The following ATXN2 variants were observed in gnomAD, a reference collection of about 807,000 sequenced individuals.
ATXN2 encodes the protein ataxin-2.
ATXN2 carries 37 observed loss-of-function variants against 138.6 expected under a neutral mutation model. That is an observed-to-expected ratio of 0.27 (90% CI 0.21 to 0.35). The LOEUF (loss-of-function observed/expected upper bound fraction) is 0.35. Ranked by LOEUF, ATXN2 falls within the 10% of genes least tolerant of loss-of-function variation. The probability of loss-of-function intolerance (pLI) is 1.00; values close to 1 mark genes in which losing one functional copy is unlikely to be tolerated. For missense variants in ATXN2, 1,216 were observed against 1,480.3 expected (o/e 0.82, Z 2.93); for synonymous variants, 549 against 543.7 (o/e 1.01, Z -0.13).
chr12:111,542,111 GACA>G (rs1244792710), intron 5 of ATXN2, among the ~76,000 whole-genome samples: 3 of 148,818 alleles, frequency 2.0e-5, no homozygotes, highest in Non-Finnish European at 4.5e-5. Context: ...GAGGAAAATT[GACA>G]ACGTTGTAGT....
chr12:111,453,674 C>T lies in ATXN2; in HGVS notation c.3439+3G>A, dbSNP rs1229278785. ...CGGCGGCCCCTGCACACACACGCCT[C>T]ACCTGAAGGGTGCGTCATATAGGGG... is the stretch of plus-strand genomic sequence containing the variant. On this transcript the variant is annotated splice_donor_region_variant and intron_variant, in intron 24 of 24. Coordinates refer to ENST00000673436, the MANE Select transcript of ATXN2 (RefSeq NM_001372574.1). This position sits in a 1 kb window ranked among gnomAD's most constrained non-coding sequence, Gnocchi z 5.4. The T allele has an allele frequency of 6.3e-7, 1 of 1,592,348 alleles. No individual in the cohort carries two copies. The highest frequency in any genetic ancestry group is 1.1e-5 in the South Asian group (1 of 88,148).
In ATXN2 at chr12:111,516,044, CAG is replaced by C. The variant is rs1592852826; in HGVS notation, c.1375+108_1375+109del. The stretch of plus-strand genomic sequence containing the variant: ...GTTTTAATAAACTAAAGTTAAAACA[CAG>C]AAATTATAGGTTATTAAATAATGAA... On this transcript the variant is annotated intron_variant, in intron 10 of 24. Transcript: ENST00000673436. The surrounding 1 kb of genome is among the most constrained non-coding windows in gnomAD (Gnocchi z 5.0). 6 of 1,050,700 alleles carry C rather than the reference CAG, an allele frequency of 5.7e-6. No homozygotes were observed. In the South Asian group the frequency reaches 7.2e-5, roughly 13 times the overall value. 65.1% of individuals were successfully genotyped at this position (1,050,700 alleles called of 1,614,324 possible).
At chr12:111,579,037 CAA>C (rs1024151742) in intron 1 of ATXN2, among the ~76,000 whole-genome samples, 1 of 150,548 alleles carries the variant, frequency 6.6e-6, no homozygotes, top group Non-Finnish European at 1.5e-5. Context: ...GACCCTGCCT[CAA>C]AAAAAAATTC....
At chr12:111,513,918 AAAAT>A (rs1879703469) in intron 10 of ATXN2, among the ~76,000 whole-genome samples, 1 of 152,166 alleles carries the variant, frequency 6.6e-6, no homozygotes, top group Non-Finnish European at 1.5e-5. Flanking sequence ...ACTACATGAT[AAAAT>A]ATTTTTAACT....
Position 111,453,716 on chromosome 12 carries a change from A to C in ATXN2, c.3400T>G (p.Ser1134Ala), listed in dbSNP as rs2135642976. ...AQSALQPIPV[S>A]TTAHFPYMTH... Reference sequence around the variant, plus strand: ...ATATAGGGGAAATGCGCTGTTGTCGAGACTGGAATGGGCTGTAGTGCACTT... The same window carrying C: ...ATATAGGGGAAATGCGCTGTTGTCGCGACTGGAATGGGCTGTAGTGCACTT... The change falls in exon 24 of 25, where the codon TCG becomes GCG. Residue 1134 changes from serine to alanine, a missense_variant. Ser to Ala is a moderately conservative substitution (Grantham distance 99). Transcript: ENST00000673436. The surrounding 1 kb of genome is among the most constrained non-coding windows in gnomAD (Gnocchi z 5.4). The C allele has an allele frequency of 1.2e-6, 2 of 1,613,238 alleles. No homozygotes were observed. The highest frequency in any genetic ancestry group is 4.5e-5 in the East Asian group (2 of 44,814).
intron 1 of ATXN2, among the ~76,000 whole-genome samples, chr12:111,573,179 A>T (rs1481612495): frequency 1.3e-5 from 2 of 151,700 alleles, no homozygotes; most frequent in Non-Finnish European, 2.9e-5. Flanking sequence ...CATTATTGTT[A>T]TTATTTTTAT....
chr12:111,572,374 C>G (rs978498391), intron 1 of ATXN2, among the ~76,000 whole-genome samples: 1 of 151,232 alleles, frequency 6.6e-6, no homozygotes, highest in Non-Finnish European at 1.5e-5. Context: ...GCACTCCAGC[C>G]TGGGTGACAA....
At chr12:111,572,053 C>T (rs1022808988) in intron 1 of ATXN2, among the ~76,000 whole-genome samples, 5 of 145,952 alleles carry the variant, frequency 3.4e-5, no homozygotes, top group African/African-American at 7.6e-5. Context: ...GTAAAGAAAA[C>T]GTGCAAACAT....
intron 1 of ATXN2, among the ~76,000 whole-genome samples, chr12:111,568,192 C>G (rs1218018233): frequency 6.6e-6 from 1 of 151,814 alleles, no homozygotes. Flanking sequence ...ACCCAGGAAG[C>G]AGAGGTTGCA....
chr12:111,546,164 A>T (rs1216167124), intron 5 of ATXN2, among the ~76,000 whole-genome samples: 1 of 152,204 alleles, frequency 6.6e-6, no homozygotes, highest in Non-Finnish European at 1.5e-5. Context: ...GAATCGCAGG[A>T]TATTATACAG....
chr12:111,507,447 G>T (rs1879217570), intron 14 of ATXN2, among the ~76,000 whole-genome samples: 1 of 152,154 alleles, frequency 6.6e-6, no homozygotes, highest in African/African-American at 2.4e-5. Context: ...CGTCTGGGAA[G>T]TGAGGAGCAT....
At chr12:111,573,537 T>A (rs1233717896) in intron 1 of ATXN2, among the ~76,000 whole-genome samples, 1 of 152,190 alleles carries the variant, frequency 6.6e-6, no homozygotes, top group Non-Finnish European at 1.5e-5. Context: ...ATCTCTATAT[T>A]AGAAGCAATG....
chr12:111,523,726 T>C (rs1880320870), intron 6 of ATXN2, among the ~76,000 whole-genome samples: 1 of 148,938 alleles, frequency 6.7e-6, no homozygotes, highest in South Asian at 2.1e-4. Context: ...ACTCCATCTC[T>C]CAAAACAACA....
Position 111,539,640 on chromosome 12 carries a change from G to A in ATXN2, c.571+12640C>T, listed in dbSNP as rs551047810. Among the ~76,000 whole-genome samples, 73 of 149,708 alleles carry A rather than the reference G, an allele frequency of 4.9e-4. 3 individuals carry two copies. The highest frequency in any genetic ancestry group is 1.7e-3 in the African/African-American group (70 of 41,298). Reference sequence around the variant, plus strand: ...CGGGTACCTCTAGTCCCAGCTACCCGGGAGGCTGAGGCAGGAGAAAATGGC... The same window carrying A: ...CGGGTACCTCTAGTCCCAGCTACCCAGGAGGCTGAGGCAGGAGAAAATGGC... On this transcript the variant is annotated intron_variant, in intron 5 of 24. Transcript: ENST00000673436.
At chr12:111,548,612 C>A (rs2135781275) in intron 5 of ATXN2, among the ~76,000 whole-genome samples, 1 of 152,288 alleles carries the variant, frequency 6.6e-6, no homozygotes, top group East Asian at 1.9e-4. Flanking sequence ...TCATCCACTT[C>A]TATTATAAAA....
At chr12:111,455,995 G>C in intron 23 of ATXN2, 34 bp downstream of exon 23, 1 of 1,582,572 alleles carries the variant, frequency 6.3e-7, no homozygotes, top group African/African-American at 1.3e-5. Flanking sequence ...ATTCTACTTG[G>C]CCTTCACAGA....
rs1178043582 is a variant in ATXN2 at position 111,456,248 on chromosome 12, C to T, written c.3051G>A (p.Gln1017=). Residue 1017 remains glutamine (Q), a synonymous_variant, in exon 23 of 25, where the codon CAG becomes CAA. Transcript: ENST00000673436. ...HPAPSPVQHH[Q]HQAAQALHLA... ...GATGGAGAGCCTGGGCGGCCTGGTG[C>T]TGATGGTGCTGCAAAGCGACAGGAA... 2 of 1,614,194 alleles carry T rather than the reference C, an allele frequency of 1.2e-6. 1 individual carries two copies. The highest frequency in any genetic ancestry group is 2.2e-5 in the South Asian group (2 of 91,082).
intron 1 of ATXN2, among the ~76,000 whole-genome samples, chr12:111,571,048 A>G (rs1676813687): frequency 6.6e-6 from 1 of 152,242 alleles, no homozygotes; most frequent in Non-Finnish European, 1.5e-5. Flanking sequence ...AGCGTGTTAC[A>G]TGTTTAATTC....
intron 1 of ATXN2, among the ~76,000 whole-genome samples, chr12:111,583,015 C>A (rs1884102677): frequency 1.0e-5 from 1 of 99,782 alleles, no homozygotes; most frequent in Non-Finnish European, 1.9e-5. Context: ...TTTTTGGAGA[C>A]AGAGTCTCGT....
Sources: gnomAD v4.1 joint callset for allele counts (sites outside exome capture counted in the v4.1 genomes callset) on GRCh38, gnomAD v4.1.1 for gene constraint, Gnocchi (gnomAD v3.1) non-coding constraint, MANE v1.5 for transcripts, NCBI Gene and HGNC (gene_info 2026-07-23, HGNC 2026-07-21) for gene names.